Variants in CORO2A observed in about 807,000 individuals in gnomAD.
CORO2A encodes the protein coronin-2A.
CORO2A carries 47 observed loss-of-function variants against 62.4 expected under a neutral mutation model. The ratio of observed to expected loss-of-function variants is 0.75; its 90% confidence interval spans 0.60 to 0.96. The LOEUF is 0.96. Ranked by LOEUF, CORO2A falls within the 40% of genes least tolerant of loss-of-function variation. CORO2A has a pLI of 0.00. For synonymous variants in CORO2A, 273 were observed against 268.9 expected (o/e 1.02, Z -0.15); for missense variants, 610 against 684.1 (o/e 0.89, Z 1.21).
intron 8 of CORO2A, 36 bp from the exon 9 acceptor site, chr9:98,128,755 T>C (rs1564199939): frequency 6.3e-7 from 1 of 1,578,812 alleles, no homozygotes; most frequent in Admixed American, 1.7e-5. Flanking sequence ...AGGTTCTGGC[T>C]AGGCTGGGGC....
At chr9:98,172,882 G>A (rs1439885612) in intron 1 of CORO2A, 1 of 152,286 alleles carries the variant, frequency 6.6e-6, no homozygotes. Flanking sequence ...AAAGATGTCA[G>A]TGCCCCTGTG....
At chr9:98,137,926 A>T (rs952797380) in intron 2 of CORO2A, among the ~76,000 whole-genome samples, 5 of 152,182 alleles carry the variant, frequency 3.3e-5, no homozygotes, top group African/African-American at 9.7e-5. Context: ...GGTTGGTGTG[A>T]GGATCATGGG....
At chr9:98,147,742 C>T (rs186127589) in intron 2 of CORO2A, among the ~76,000 whole-genome samples, 2 of 152,300 alleles carry the variant, frequency 1.3e-5, no homozygotes, top group African/African-American at 2.4e-5. Flanking sequence ...GCTAAACATG[C>T]AACTACCTTA....
chr9:98,149,772 A>C (rs1827698028), intron 2 of CORO2A, among the ~76,000 whole-genome samples: 1 of 152,152 alleles, frequency 6.6e-6, no homozygotes, highest in South Asian at 2.1e-4. Context: ...AAGCATCCAA[A>C]CTGTATCACA....
intron 1 of CORO2A, among the ~76,000 whole-genome samples, chr9:98,189,571 T>C (rs185975517): frequency 6.6e-6 from 1 of 152,238 alleles, no homozygotes; most frequent in Non-Finnish European, 1.5e-5. Flanking sequence ...CTCTAAGAGG[T>C]TGGCTGTCAG....
Position 98,126,834 on chromosome 9 carries a change from A to C in CORO2A, c.1172-11T>G. 6.2e-7 allele frequency: 1 copy of C among 1,614,102 alleles called. No homozygotes were observed. Among genetic ancestry groups the C allele is most frequent in the Non-Finnish European group, 8.5e-7 (1 of 1,179,972 alleles). ...ACACCAGGATTGGGTCTGGAAGGGA[A>C]GCAGAGCCATGTGAGGACGGGGTGC... On this transcript the variant is annotated splice_polypyrimidine_tract_variant and intron_variant, in intron 10 of 11. Coordinates refer to ENST00000375077, the MANE Select transcript of CORO2A (RefSeq NM_052820.4).
chr9:98,167,452 T>C (rs1468724890), intron 1 of CORO2A, among the ~76,000 whole-genome samples: 1 of 152,226 alleles, frequency 6.6e-6, no homozygotes, highest in African/African-American at 2.4e-5. Flanking sequence ...ATGATTTAGA[T>C]GGCAAATACT....
At chr9:98,145,146 G>A (rs1827625439) in intron 2 of CORO2A, among the ~76,000 whole-genome samples, 1 of 152,188 alleles carries the variant, frequency 6.6e-6, no homozygotes, top group Non-Finnish European at 1.5e-5. Flanking sequence ...CCAACATCCA[G>A]GGATGAAAGC....
chr9:98,129,670 C>T (rs557782754), intron 8 of CORO2A, 124 bp downstream of exon 8: 15 of 733,434 alleles, frequency 2.0e-5, no homozygotes, highest in Non-Finnish European at 3.7e-5. Flanking sequence ...TATGCTGTCT[C>T]TCCTCCCATC....
Position 98,122,688 on chromosome 9 carries a change from T to C in CORO2A, c.*2086A>G, listed in dbSNP as rs759335832. Reference sequence around the variant, plus strand: ...CATTTCAGAAGACCTCCTGGTTAGGTGGCCAGAGGCTCTGCTGGCATGTCT... The same window carrying C: ...CATTTCAGAAGACCTCCTGGTTAGGCGGCCAGAGGCTCTGCTGGCATGTCT... On this transcript the variant is annotated 3_prime_UTR_variant, in exon 12 of 12. Coordinates refer to ENST00000375077, the MANE Select transcript of CORO2A (RefSeq NM_052820.4). 5.3e-5 allele frequency: 8 copies of C among 152,186 alleles called. No homozygotes were observed. The highest frequency in any genetic ancestry group is 8.8e-5 in the Non-Finnish European group (6 of 68,026). The allele number at this position is 152,186 out of a possible 1,614,324, so 9.4% of individuals were successfully genotyped here.
chr9:98,181,357 T>A (rs72757947), intron 1 of CORO2A, among the ~76,000 whole-genome samples: 2 of 147,886 alleles, frequency 1.4e-5, no homozygotes, highest in East Asian at 4.5e-4. Flanking sequence ...TTTTTTTTTT[T>A]AAGAGATGAG....
intron 3 of CORO2A, 60 bp downstream of exon 3, chr9:98,137,512 C>G: frequency 7.1e-7 from 1 of 1,409,952 alleles, no homozygotes; most frequent in Non-Finnish European, 1.0e-6. Context: ...TACCATTCCA[C>G]CCCAACCACC....
chr9:98,131,039 C>G lies in CORO2A; in HGVS notation c.786G>C (p.Leu262=), dbSNP rs1827398607. The G allele has an allele frequency of 6.2e-7, 1 of 1,612,982 alleles. No individual in the cohort carries two copies. Among genetic ancestry groups the G allele is most frequent in the East Asian group, 2.2e-5 (1 of 44,816 alleles). The change falls in exon 7 of 12, where the codon CTG becomes CTC. Residue 262 remains leucine (L), a synonymous_variant. Coordinates refer to ENST00000375077, the MANE Select transcript of CORO2A (RefSeq NM_052820.4). ...AGGAGCCGTCCAGGTCCTCCTCCAT[C>G]AGAGGCACAGAGAGGTTATCCTGCA... The part of the protein sequence containing the change: ...LWDQDNLSVP[L]MEEDLDGSSG...
At chr9:98,191,988 G>A (rs546827321) in intron 1 of CORO2A, among the ~76,000 whole-genome samples, 5 of 152,346 alleles carry the variant, frequency 3.3e-5, no homozygotes, top group Admixed American at 6.5e-5. Context: ...CCAACCTAGG[G>A]CTCCTCCAGC....
intron 6 of CORO2A, 70 bp from the exon 7 acceptor site, chr9:98,131,129 A>C (rs1277232016): frequency 2.9e-6 from 3 of 1,024,168 alleles, no homozygotes; most frequent in Non-Finnish European, 4.5e-6. Flanking sequence ...TCCCGGAGAT[A>C]AGAATTGCTG....
chr9:98,187,390 C>T (rs771460842), intron 1 of CORO2A, among the ~76,000 whole-genome samples: 3 of 148,494 alleles, frequency 2.0e-5, no homozygotes, highest in Non-Finnish European at 3.0e-5. Context: ...ACCCGGGAGA[C>T]GGTGGCTGCA....
At chr9:98,170,578 A>T (rs1310164485) in intron 1 of CORO2A, among the ~76,000 whole-genome samples, 1 of 152,092 alleles carries the variant, frequency 6.6e-6, no homozygotes, top group African/African-American at 2.4e-5. Flanking sequence ...AGTAGCTGGG[A>T]TTACAGGTGT....
At chr9:98,165,806 C>T (rs1242438766) in intron 1 of CORO2A, among the ~76,000 whole-genome samples, 1 of 152,194 alleles carries the variant, frequency 6.6e-6, no homozygotes, top group African/African-American at 2.4e-5. Flanking sequence ...CCCCCATTAA[C>T]CATATCACTA....
At chr9:98,153,665 C>CACACAA (rs1468380526) in intron 2 of CORO2A, among the ~76,000 whole-genome samples, 2 of 150,702 alleles carry the variant, frequency 1.3e-5, no homozygotes, top group Non-Finnish European at 3.0e-5. Context: ...CACACACACA[C>CACACAA]ACACACACAC....
Sources: allele counts gnomAD v4.1 joint callset (sites outside exome capture counted in the v4.1 genomes callset), GRCh38; gene constraint gnomAD v4.1.1; transcripts MANE v1.5; gene names NCBI Gene and HGNC (gene_info 2026-07-23, HGNC 2026-07-21).